C4orf17: variants seen among roughly 807,000 people sequenced by gnomAD.
The protein encoded by C4orf17 is uncharacterized protein C4orf17.
C4orf17 carries 25 observed loss-of-function variants against 32.0 expected under a neutral mutation model. The ratio of observed to expected loss-of-function variants is 0.78; its 90% CI spans 0.57 to 1.09. C4orf17 has a LOEUF of 1.09. C4orf17 is among the 50% of genes least tolerant of loss of function. The pLI, the probability that C4orf17 is intolerant of heterozygous loss-of-function variation, is 0.00. For missense variants in C4orf17, 420 were observed against 420.0 expected, an observed-to-expected ratio of 1.00 and a Z score of 0.00; for synonymous variants, 149 against 145.8, an observed-to-expected ratio of 1.02 and a Z score of -0.16.
intron 7 of C4orf17, among the ~76,000 whole-genome samples, chr4:99,539,909 C>T (rs976802672): frequency 1.3e-5 from 2 of 151,792 alleles, no homozygotes; most frequent in Admixed American, 1.3e-4. Flanking sequence ...AGAAATTTTT[C>T]TTAAATGCTG....
rs1467930785 is a variant in C4orf17 at position 99,541,571 on chromosome 4, C to A, written c.881-339C>A. ...TACGAGCACAATTAACTTGTCTTAG[C>A]CTGTTTGTCTCTTCTCTTGTTACAT... On this transcript the variant is annotated intron_variant, in intron 8 of 8. Transcript: ENST00000326581. The A allele has an allele frequency of 1.7e-5, 4 of 238,856 alleles. 1 individual carries two copies. The highest frequency in any genetic ancestry group is 5.6e-5 in the South Asian group (1 of 17,798). 14.8% of individuals were successfully genotyped at this position (238,856 alleles called of 1,614,324 possible).
chr4:99,529,900 A>C lies in C4orf17; in HGVS notation c.488A>C (p.Lys163Thr). The change falls in exon 5 of 9, where the codon AAG (lysine) becomes ACG (threonine). Residue 163 changes from lysine to threonine, a missense_variant. Physicochemically the swap from Lys to Thr is moderately conservative, Grantham distance 78. Coordinates refer to ENST00000326581, the MANE Select transcript of C4orf17 (RefSeq NM_032149.3). ...TGTTCTTCAGGGATGACAAGTACCA[A>C]GAATGATGTGAAAGCAAACACCATT... ...GSCSSGMTST[K>T]NDVKANTICI... 6.2e-7 allele frequency: 1 copy of C among 1,613,234 alleles called. No individual in the cohort carries two copies. Among genetic ancestry groups the C allele is most frequent in the Non-Finnish European group, 8.5e-7 (1 of 1,179,440 alleles).
chr4:99,512,489 CT>C (rs765090273), intron 1 of C4orf17, among the ~76,000 whole-genome samples: 7 of 152,138 alleles, frequency 4.6e-5, no homozygotes, highest in Admixed American at 1.3e-4. Flanking sequence ...ATACATCACT[CT>C]TTTGGATTTT....
rs182654731 is a variant in C4orf17, at chr4:99,527,584, C to T, written c.403-2231C>T. Among the ~76,000 whole-genome samples, 15 of 152,324 alleles carry T rather than the reference C, an allele frequency of 9.8e-5. No homozygotes were observed. The East Asian group carries it at 1.7e-3, about 18-fold the overall frequency. ...CATAAGGAGCACACAACCTACATCC[C>T]TTGCATGTGCAGTTCACAATAGGGT... On this transcript the variant is annotated intron_variant, in intron 4 of 8. Transcript: ENST00000326581.
chr4:99,523,986 T>C (rs988655532), intron 3 of C4orf17, among the ~76,000 whole-genome samples: 1 of 146,688 alleles, frequency 6.8e-6, no homozygotes, highest in Non-Finnish European at 1.5e-5. Context: ...CTTTTTTTTT[T>C]TTTTTTTTTT....
intron 2 of C4orf17, among the ~76,000 whole-genome samples, chr4:99,514,150 G>A (rs2110164406): frequency 6.6e-6 from 1 of 152,134 alleles, no homozygotes; most frequent in South Asian, 2.1e-4. Context: ...ATATTCCTGA[G>A]GTGACAGAAA....
At position 99,513,048 on chromosome 4, in the gene C4orf17, A is replaced by G; in HGVS notation, c.-34A>G. On this transcript the variant is annotated 5_prime_UTR_variant, in exon 2 of 9. Transcript: ENST00000326581. ...TTAGACCCCAAAAACTTTTGTGACA[A>G]CAGTGAAGAGGGGAAAATAAACACA... 6.2e-7 allele frequency: 1 copy of G among 1,612,506 alleles called. No individual in the cohort carries two copies. Among genetic ancestry groups the G allele is most frequent in the Non-Finnish European group, 8.5e-7 (1 of 1,179,122 alleles).
At chr4:99,540,176 G>C (rs1723631769) in intron 7 of C4orf17, among the ~76,000 whole-genome samples, 1 of 151,924 alleles carries the variant, frequency 6.6e-6, no homozygotes, top group South Asian at 2.1e-4. Context: ...AAGATAGTAA[G>C]AGTTAATCTG....
chr4:99,521,783 C>T (rs1418287823), intron 2 of C4orf17, among the ~76,000 whole-genome samples: 1 of 152,118 alleles, frequency 6.6e-6, no homozygotes, highest in Admixed American at 6.6e-5. Flanking sequence ...CCCGGCACAC[C>T]CCCATTTCCT....
At chr4:99,536,188 C>T (rs935193808) in intron 5 of C4orf17, 5 of 229,458 alleles carry the variant, frequency 2.2e-5, no homozygotes, top group East Asian at 1.4e-4. Flanking sequence ...GAGGTATTAC[C>T]GGGTCAGGAG....
At chr4:99,524,252 C>A (rs1390050472) in intron 3 of C4orf17, among the ~76,000 whole-genome samples, 1 of 151,990 alleles carries the variant, frequency 6.6e-6, no homozygotes, top group Non-Finnish European at 1.5e-5. Context: ...AAAATATATA[C>A]TTTTTAAATC....
intron 2 of C4orf17, among the ~76,000 whole-genome samples, chr4:99,520,089 ATT>A (rs33976011): frequency 1.7e-4 from 24 of 139,636 alleles, no homozygotes; most frequent in Admixed American, 5.8e-4. Context: ...CCCACATTTA[ATT>A]TTTTTTTTTT....
intron 2 of C4orf17, among the ~76,000 whole-genome samples, chr4:99,515,758 A>T (rs1723170274): frequency 6.6e-6 from 1 of 152,072 alleles, no homozygotes; most frequent in Non-Finnish European, 1.5e-5. Context: ...GTCCCCAAAA[A>T]CATTGAAATA....
rs1280575899 is a variant in C4orf17 at position 99,539,178 on chromosome 4, C to T, written c.644C>T (p.Ser215Leu). The T allele has an allele frequency of 1.2e-6, 2 of 1,614,020 alleles. No individual in the cohort carries two copies. Among genetic ancestry groups the T allele is most frequent in the East Asian group, 4.5e-5 (2 of 44,884 alleles). Reference protein sequence around the residue: ...HATSKEKEWVSALIHSELAEI... With the variant: ...HATSKEKEWVLALIHSELAEI... ...TTTAAACCAGAAAAAGAGTGGGTCT[C>T]AGCTTTGATTCATTCTGAGCTTGCC... The change falls in exon 7 of 9, where the codon TCA becomes TTA. Residue 215 changes from serine to leucine, a missense_variant. By Grantham distance (145) the Ser-to-Leu change is moderately radical. Coordinates refer to ENST00000326581, the MANE Select transcript of C4orf17 (RefSeq NM_032149.3).
intron 2 of C4orf17, among the ~76,000 whole-genome samples, chr4:99,514,280 G>T (rs545979031): frequency 3.3e-5 from 5 of 150,510 alleles, no homozygotes; most frequent in Admixed American, 1.3e-4. Flanking sequence ...AAACTAAAAA[G>T]CTTCTCCACA....
At chr4:99,514,614 G>A (rs1431630821) in intron 2 of C4orf17, among the ~76,000 whole-genome samples, 1 of 152,140 alleles carries the variant, frequency 6.6e-6, no homozygotes, top group Non-Finnish European at 1.5e-5. Flanking sequence ...AGATGTTGGT[G>A]TGGATATGGT....
chr4:99,530,792 A>G (rs1723465831), intron 5 of C4orf17, among the ~76,000 whole-genome samples: 1 of 152,114 alleles, frequency 6.6e-6, no homozygotes, highest in Admixed American at 6.5e-5. Flanking sequence ...AAACTTGAGG[A>G]GAATAAAAGG....
rs748468895 is a variant in C4orf17 at position 99,542,120 on chromosome 4, C to T, written c.*11C>T. 3 of 1,605,296 alleles carry T rather than the reference C, an allele frequency of 1.9e-6. No homozygotes were observed. The highest frequency in any genetic ancestry group is 3.4e-5 in the Admixed American group (2 of 59,658). ...ACACACCGGAGGTAGAAGTTCTAGA[C>T]TGGGTGAATTCTTTCATGAATATGA... On this transcript the variant is annotated 3_prime_UTR_variant, in exon 9 of 9. Transcript: ENST00000326581.
chr4:99,532,072 T>C (rs1723486427), intron 5 of C4orf17, among the ~76,000 whole-genome samples: 1 of 152,206 alleles, frequency 6.6e-6, no homozygotes, highest in Non-Finnish European at 1.5e-5. Flanking sequence ...CCAAAATGTC[T>C]GCCAAACTCT....
Sources: allele counts gnomAD v4.1 joint callset (sites outside exome capture counted in the v4.1 genomes callset), GRCh38; gene constraint gnomAD v4.1.1; transcripts MANE v1.5; gene names NCBI Gene and HGNC (gene_info 2026-07-23, HGNC 2026-07-21).